The following POFUT3 variants were observed in gnomAD, a reference collection of about 807,000 sequenced individuals.
The protein encoded by POFUT3 is protein O-fucosyltransferase 3.
the POFUT3 span, among the ~76,000 whole-genome samples, chr8:33,468,945 C>T: frequency 6.6e-6 from 1 of 152,146 alleles, no homozygotes; most frequent in Non-Finnish European, 1.5e-5. Context: ...AGAGGTAATA[C>T]CACGGAAAGT....
the POFUT3 span, among the ~76,000 whole-genome samples, chr8:33,464,389 A>G: frequency 1.3e-5 from 2 of 152,098 alleles, no homozygotes; most frequent in South Asian, 4.1e-4. Context: ...CAACAACTCC[A>G]CTCTCATTTT....
the POFUT3 span, among the ~76,000 whole-genome samples, chr8:33,445,430 T>G: frequency 2.2e-4 from 34 of 152,122 alleles, no homozygotes; most frequent in Non-Finnish European, 5.9e-5. Context: ...ATGAAATGGA[T>G]GAGATCAGCA....
chr8:33,386,665 C>A, the POFUT3 span, among the ~76,000 whole-genome samples: 1 of 152,050 alleles, frequency 6.6e-6, no homozygotes, highest in East Asian at 1.9e-4. Context: ...AAAAAATTAG[C>A]CAGGCGTGGT....
the POFUT3 span, among the ~76,000 whole-genome samples, chr8:33,447,214 C>T: frequency 6.6e-6 from 1 of 152,080 alleles, no homozygotes; most frequent in African/African-American, 2.4e-5. Context: ...CTTTGGGAGG[C>T]CGAGGTGGGA....
At chr8:33,355,474 A>G in the POFUT3 span, among the ~76,000 whole-genome samples, 1 of 152,134 alleles carries the variant, frequency 6.6e-6, no homozygotes, top group African/African-American at 2.4e-5. Flanking sequence ...ACCTAAAAAT[A>G]ATGTTTTACC....
At chr8:33,363,308 G>C in the POFUT3 span, among the ~76,000 whole-genome samples, 85 of 152,272 alleles carry the variant, frequency 5.6e-4, 1 homozygote, top group African/African-American at 1.9e-3. Context: ...ATGCCCACTA[G>C]AGAAAGCAGG....
At chr8:33,395,451 G>A in the POFUT3 span, among the ~76,000 whole-genome samples, 1 of 152,022 alleles carries the variant, frequency 6.6e-6, no homozygotes, top group Non-Finnish European at 1.5e-5. Flanking sequence ...GCCAGGGACA[G>A]TTAGAGAGGA....
chr8:33,402,733 G>A, the POFUT3 span, among the ~76,000 whole-genome samples: 2 of 152,148 alleles, frequency 1.3e-5, no homozygotes, highest in African/African-American at 4.8e-5. Context: ...ATAAAGCAAA[G>A]GACATAAATA....
chr8:33,394,456 G>T, the POFUT3 span, among the ~76,000 whole-genome samples: 43 of 152,164 alleles, frequency 2.8e-4, no homozygotes, highest in African/African-American at 9.2e-4. Context: ...ACAATGTCCA[G>T]ACTGACTCCA....
At chr8:33,420,906 A>G in the POFUT3 span, among the ~76,000 whole-genome samples, 1 of 151,974 alleles carries the variant, frequency 6.6e-6, no homozygotes. Flanking sequence ...TCCCATGAAT[A>G]TGTAAAATTA....
At chr8:33,335,328 A>G in the POFUT3 span, among the ~76,000 whole-genome samples, 1 of 152,234 alleles carries the variant, frequency 6.6e-6, no homozygotes, top group Non-Finnish European at 1.5e-5. Context: ...TTGCTAACCC[A>G]TAATTGCAAT....
the POFUT3 span, among the ~76,000 whole-genome samples, chr8:33,379,954 TACTATATATAC>T: frequency 3.7e-4 from 40 of 108,538 alleles, no homozygotes; most frequent in Admixed American, 8.0e-4. Context: ...ACCCTATATA[TACTATATATAC>T]ACTATATATA....
At chr8:33,433,921 T>C in the POFUT3 span, among the ~76,000 whole-genome samples, 1 of 151,092 alleles carries the variant, frequency 6.6e-6, no homozygotes, top group Non-Finnish European at 1.5e-5. Flanking sequence ...TGAGCTGAGA[T>C]TGTGTCACTG....
chr8:33,342,697 T>G, the POFUT3 span, among the ~76,000 whole-genome samples: 2 of 152,172 alleles, frequency 1.3e-5, no homozygotes, highest in African/African-American at 4.8e-5. Context: ...ACTGGATCAC[T>G]CAAACATTGT....
chr8:33,320,287 C>G, the POFUT3 span, among the ~76,000 whole-genome samples: 1 of 151,804 alleles, frequency 6.6e-6, no homozygotes, highest in Non-Finnish European at 1.5e-5. Context: ...TGAAGTAGAA[C>G]AAAATAAAGT....
the POFUT3 span, chr8:33,389,071 G>A: frequency 1.2e-6 from 2 of 1,614,154 alleles, no homozygotes; most frequent in Non-Finnish European, 1.7e-6. Context: ...TCCGTTCCCT[G>A]AGAGCTGTCA....
chr8:33,335,151 ATGTGTG>A, the POFUT3 span, among the ~76,000 whole-genome samples: 689 of 145,864 alleles, frequency 4.7e-3, 1 homozygote, highest in Non-Finnish European at 4.6e-3. Context: ...AAAGAAATAT[ATGTGTG>A]TGTGTGTGTG....
the POFUT3 span, among the ~76,000 whole-genome samples, chr8:33,462,591 T>C: frequency 1.7e-3 from 260 of 152,308 alleles, 1 homozygote; most frequent in African/African-American, 6.0e-3. Context: ...AATAAAATTT[T>C]CATCTATCTG....
chr8:33,317,252 C>T, the POFUT3 span, among the ~76,000 whole-genome samples: 1 of 152,056 alleles, frequency 6.6e-6, no homozygotes, highest in East Asian at 1.9e-4. Context: ...AGCCTGGACC[C>T]CCACCAAAGA....
Sources: allele counts gnomAD v4.1 joint callset (sites outside exome capture counted in the v4.1 genomes callset), GRCh38; gene constraint gnomAD v4.1.1; transcripts MANE v1.5; gene names NCBI Gene and HGNC (gene_info 2026-07-23, HGNC 2026-07-21).